Variants in SLCO3A1 observed in about 807,000 individuals in gnomAD.
SLCO3A1 encodes solute carrier organic anion transporter family member 3A1.
Under a neutral mutation model 63.1 loss-of-function variants are expected in SLCO3A1, and 27 were observed. The ratio of observed to expected loss-of-function variants is 0.43; its 90% CI spans 0.32 to 0.59. The LOEUF (loss-of-function observed/expected upper bound fraction) is 0.59. SLCO3A1 is among the 20% of genes least tolerant of loss of function. SLCO3A1 has a pLI of 0.09. For missense variants in SLCO3A1, 773 were observed against 945.8 expected (o/e 0.82, Z 2.40); for synonymous variants, 473 against 409.9 (o/e 1.15, Z -1.86).
chr15:91,866,574 T>A (rs1380184060), intron 1 of SLCO3A1, among the ~76,000 whole-genome samples: 84 of 144,704 alleles, frequency 5.8e-4, no homozygotes, highest in African/African-American at 1.3e-3. Flanking sequence ...GCTCCTTTTT[T>A]TAAAAAAAAA....
intron 2 of SLCO3A1, among the ~76,000 whole-genome samples, chr15:91,981,655 G>A (rs141244610): frequency 7.2e-5 from 11 of 152,220 alleles, no homozygotes; most frequent in East Asian, 5.8e-4. Context: ...CCTTTGGGCC[G>A]TGAGGTCATG....
At position 91,950,463 on chromosome 15, in the gene SLCO3A1, A is replaced by C. The variant is rs1899961581; in HGVS notation, c.646+34005A>C. Reference sequence around the variant, plus strand: ...CAAGGGTCCCGGTGGGTTATTAGGAAGGGCAGATGAGCCCCTGCAGGGGAA... The same window carrying C: ...CAAGGGTCCCGGTGGGTTATTAGGACGGGCAGATGAGCCCCTGCAGGGGAA... On this transcript the variant is annotated intron_variant, in intron 2 of 9. Transcript: ENST00000318445. This position sits in a 1 kb window ranked among gnomAD's most constrained non-coding sequence, Gnocchi z 4.4. Among the ~76,000 whole-genome samples, 1 of 152,210 alleles carries C rather than the reference A, an allele frequency of 6.6e-6. No individual in the cohort carries two copies. Among genetic ancestry groups the C allele is most frequent in the African/African-American group, 2.4e-5 (1 of 41,460 alleles).
rs184805243 is a variant in SLCO3A1 at position 92,033,141 on chromosome 15, A to G, written c.647-61740A>G. Among the ~76,000 whole-genome samples, 102 of 152,338 alleles carry G rather than the reference A, an allele frequency of 6.7e-4. No individual in the cohort carries two copies. Among genetic ancestry groups the G allele is most frequent in the African/African-American group, 2.3e-3 (96 of 41,568 alleles). On this transcript the variant is annotated intron_variant, in intron 2 of 9. Transcript: ENST00000318445. This position sits in a 1 kb window ranked among gnomAD's most constrained non-coding sequence, Gnocchi z 4.5. ...TTACCAAAGAATCTCACGTGTAAAA[A>G]AAACAAAAGAACTCCATGGATGGGG... is the stretch of plus-strand genomic sequence containing the variant.
At chr15:92,092,420 C>T (rs886274147) in intron 2 of SLCO3A1, among the ~76,000 whole-genome samples, 2 of 152,054 alleles carry the variant, frequency 1.3e-5, no homozygotes, top group Non-Finnish European at 2.9e-5. Context: ...AGGGTAGGCA[C>T]AGCACCCATG....
intron 2 of SLCO3A1, among the ~76,000 whole-genome samples, chr15:91,923,597 T>C (rs1036599803): frequency 1.3e-5 from 2 of 152,240 alleles, no homozygotes; most frequent in Non-Finnish European, 2.9e-5. Context: ...GCTTCTTAAT[T>C]TGGAAGCATA....
Position 91,853,780 on chromosome 15 carries a change from G to A in SLCO3A1, c.-129G>A. The A allele has an allele frequency of 2.1e-6, 2 of 932,788 alleles. No homozygotes were observed. Among genetic ancestry groups the A allele is most frequent in the Non-Finnish European group, 2.6e-6 (2 of 764,582 alleles). 57.8% of individuals were successfully genotyped at this position (932,788 alleles called of 1,614,324 possible). On this transcript the variant is annotated 5_prime_UTR_variant, in exon 1 of 10. Transcript: ENST00000318445. ...CTCCAGCCCCGGCAGGACGGGGGCG[G>A]CCGCCGCGAACCCGGGGCGGGGACA... is the stretch of plus-strand genomic sequence containing the variant.
chr15:92,050,205 T>C (rs181572174), intron 2 of SLCO3A1, among the ~76,000 whole-genome samples: 1 of 152,336 alleles, frequency 6.6e-6, no homozygotes, highest in Admixed American at 6.5e-5. Context: ...TCGAAGGTGT[T>C]AGCACCTGTG....
intron 1 of SLCO3A1, among the ~76,000 whole-genome samples, chr15:91,855,598 A>C (rs904806137): frequency 6.6e-6 from 1 of 152,182 alleles, no homozygotes; most frequent in African/African-American, 2.4e-5. Flanking sequence ...ATGCAGTTGC[A>C]GACAGTACCT....
At chr15:91,929,961 G>T (rs1899166787) in intron 2 of SLCO3A1, among the ~76,000 whole-genome samples, 1 of 152,106 alleles carries the variant, frequency 6.6e-6, no homozygotes, top group South Asian at 2.1e-4. Flanking sequence ...CATTTGGGTT[G>T]TTTCCACCTC....
intron 6 of SLCO3A1, among the ~76,000 whole-genome samples, chr15:92,127,226 C>T (rs534561102): frequency 1.7e-4 from 26 of 152,240 alleles, no homozygotes; most frequent in Non-Finnish European, 2.5e-4. Flanking sequence ...GTCTTCTTCC[C>T]GTTTGCACCT....
In SLCO3A1 at chr15:91,942,331, G is replaced by A. The variant is rs910547470; in HGVS notation, c.646+25873G>A. Among the ~76,000 whole-genome samples, 1 of 152,164 alleles carries A rather than the reference G, an allele frequency of 6.6e-6. No homozygotes were observed. Among genetic ancestry groups the A allele is most frequent in the Non-Finnish European group, 1.5e-5 (1 of 68,026 alleles). The stretch of plus-strand genomic sequence containing the variant: ...ACTTGATTAGATATTGTTACACAGT[G>A]GTGATATGAGAACACACACCTGTCC... On this transcript the variant is annotated intron_variant, in intron 2 of 9. Coordinates refer to ENST00000318445, the MANE Select transcript of SLCO3A1 (RefSeq NM_013272.4). The surrounding 1 kb of genome is among the most constrained non-coding windows in gnomAD (Gnocchi z 4.1).
intron 2 of SLCO3A1, among the ~76,000 whole-genome samples, chr15:92,057,748 A>G (rs1056883866): frequency 1.3e-5 from 2 of 152,232 alleles, no homozygotes; most frequent in Non-Finnish European, 2.9e-5. Flanking sequence ...CAGAGGCTGC[A>G]TGAGCTGTCA....
At position 91,875,364 on chromosome 15, in the gene SLCO3A1, C is replaced by T. The variant is rs975857580; in HGVS notation, c.180+21276C>T. On this transcript the variant is annotated intron_variant, in intron 1 of 9. Transcript: ENST00000318445. The surrounding 1 kb of genome is among the most constrained non-coding windows in gnomAD (Gnocchi z 4.5). Reference sequence around the variant, plus strand: ...GGATCATGGTCTCCTCCCCCAGCTCCATGGCATGATGTTGGCACTGCCTTT... The same window carrying T: ...GGATCATGGTCTCCTCCCCCAGCTCTATGGCATGATGTTGGCACTGCCTTT... Among the ~76,000 whole-genome samples, 3 of 152,186 alleles carry T rather than the reference C, an allele frequency of 2.0e-5. No homozygotes were observed. Among genetic ancestry groups the T allele is most frequent in the African/African-American group, 7.2e-5 (3 of 41,448 alleles).
chr15:92,142,801 T>C (rs900787827), intron 7 of SLCO3A1, among the ~76,000 whole-genome samples: 4 of 152,152 alleles, frequency 2.6e-5, no homozygotes, highest in Non-Finnish European at 5.9e-5. Context: ...AGTGCCATGA[T>C]CAGAGGATCC....
intron 2 of SLCO3A1, among the ~76,000 whole-genome samples, chr15:92,088,405 A>G (rs1003786685): frequency 6.6e-6 from 1 of 152,234 alleles, no homozygotes; most frequent in Non-Finnish European, 1.5e-5. Flanking sequence ...CCTTTGTGCA[A>G]TATTCCATTC....
rs369846701 is a variant in SLCO3A1 at position 91,903,414 on chromosome 15, A to G, written c.181-12579A>G. 2.7e-4 allele frequency among the ~76,000 whole-genome samples: 41 copies of G among 152,300 alleles called. No individual in the cohort carries two copies. In the South Asian group the frequency reaches 8.3e-3, roughly 31 times the overall value. ...ATTAGCACAATTGCCACCATTTCAG[A>G]AGCTCTCTTGTTTCGGGCACTTCAG... is the stretch of plus-strand genomic sequence containing the variant. On this transcript the variant is annotated intron_variant, in intron 1 of 9. Coordinates refer to ENST00000318445, the MANE Select transcript of SLCO3A1 (RefSeq NM_013272.4).
At chr15:92,127,596 G>A (rs2047940981) in intron 6 of SLCO3A1, among the ~76,000 whole-genome samples, 1 of 152,180 alleles carries the variant, frequency 6.6e-6, no homozygotes, top group African/African-American at 2.4e-5. Flanking sequence ...AGCCTTAGGA[G>A]ACATAGCTGA....
rs368715125 is a variant in SLCO3A1 at position 92,144,127 on chromosome 15, T to C, written c.1513-2857T>C. Among the ~76,000 whole-genome samples the C allele has an allele frequency of 1.7e-4, 26 of 152,354 alleles. 1 individual carries two copies. The East Asian group carries it at 2.9e-3, about 17-fold the overall frequency. ...CCTTCTGGGAGAAATGGCCTCAGCTTCCCTTTGTAGAAGAGGAATACATAA... is the reference window on the plus strand; with the variant it reads ...CCTTCTGGGAGAAATGGCCTCAGCTCCCCTTTGTAGAAGAGGAATACATAA... On this transcript the variant is annotated intron_variant, in intron 7 of 9. Coordinates refer to ENST00000318445, the MANE Select transcript of SLCO3A1 (RefSeq NM_013272.4).
rs1900088617 is a variant in SLCO3A1, at chr15:91,954,111, T to A, written c.646+37653T>A. On this transcript the variant is annotated intron_variant, in intron 2 of 9. Coordinates refer to ENST00000318445, the MANE Select transcript of SLCO3A1 (RefSeq NM_013272.4). The surrounding 1 kb of genome is among the most constrained non-coding windows in gnomAD (Gnocchi z 4.7). ...CAGAGCATGTAGAAACCCCCACTCA[T>A]GAGGGAAAGATTGAGAAAGGCACAT... Among the ~76,000 whole-genome samples, 1 of 152,158 alleles carries A rather than the reference T, an allele frequency of 6.6e-6. No homozygotes were observed.
Sources: allele counts gnomAD v4.1 joint callset (sites outside exome capture counted in the v4.1 genomes callset), GRCh38; gene constraint gnomAD v4.1.1; non-coding constraint Gnocchi (gnomAD v3.1); transcripts MANE v1.5; gene names NCBI Gene and HGNC (gene_info 2026-07-23, HGNC 2026-07-21).